Variants in LARGE1 observed in about 807,000 individuals in gnomAD.
LARGE1 encodes xylosyl- and glucuronyltransferase LARGE1.
Under a neutral mutation model 87.6 loss-of-function variants are expected in LARGE1, and 43 were observed. The ratio of observed to expected loss-of-function variants is 0.49; its 90% CI spans 0.38 to 0.63. The LOEUF is 0.63. Ranked by LOEUF, LARGE1 falls within the 30% of genes least tolerant of loss-of-function variation. LARGE1 has a pLI of 0.00. For synonymous variants in LARGE1, 434 were observed against 394.6 expected (o/e 1.10, Z -1.18); for missense variants, 802 against 1,000.2 (o/e 0.80, Z 2.67).
At chr22:33,810,319 G>A (rs1002205070) in intron 1 of LARGE1, among the ~76,000 whole-genome samples, 10 of 152,148 alleles carry the variant, frequency 6.6e-5, no homozygotes, top group East Asian at 1.9e-4. Flanking sequence ...GCCATAGCCC[G>A]ATACTCTTGG....
intron 11 of LARGE1, among the ~76,000 whole-genome samples, chr22:33,209,961 C>T (rs916478073): frequency 6.6e-6 from 1 of 152,174 alleles, no homozygotes; most frequent in Non-Finnish European, 1.5e-5. Flanking sequence ...GGTTCTTAAT[C>T]TTAATCTTGG....
chr22:33,415,652 G>C (rs2066461327), intron 7 of LARGE1, among the ~76,000 whole-genome samples: 1 of 152,170 alleles, frequency 6.6e-6, no homozygotes, highest in Admixed American at 6.5e-5. Flanking sequence ...TGCCTTGCTA[G>C]GGTACTGCAG....
intron 9 of LARGE1, among the ~76,000 whole-genome samples, chr22:33,358,048 G>A (rs371877592): frequency 1.3e-5 from 2 of 152,156 alleles, no homozygotes; most frequent in South Asian, 2.1e-4. Context: ...GAGAGATCCC[G>A]CATACAAGCC....
chr22:33,134,209 G>A, the LARGE1 span, among the ~76,000 whole-genome samples: 96 of 151,352 alleles, frequency 6.3e-4, no homozygotes, highest in Non-Finnish European at 9.6e-4. Flanking sequence ...TGCCAGTACA[G>A]GCTGTAAGTC....
At chr22:33,839,416 A>C (rs1401057103) in intron 1 of LARGE1, among the ~76,000 whole-genome samples, 1 of 152,206 alleles carries the variant, frequency 6.6e-6, no homozygotes, top group African/African-American at 2.4e-5. Flanking sequence ...TGTGGATTTC[A>C]CTGCAACATG....
intron 3 of LARGE1, among the ~76,000 whole-genome samples, chr22:33,626,983 C>A (rs2149079814): frequency 6.6e-6 from 1 of 152,310 alleles, no homozygotes; most frequent in East Asian, 1.9e-4. Flanking sequence ...AGCGTCATGA[C>A]ATGTGTCTTG....
chr22:33,916,678 T>G (rs1213698538), intron 1 of LARGE1, among the ~76,000 whole-genome samples: 1 of 152,168 alleles, frequency 6.6e-6, no homozygotes, highest in Admixed American at 6.5e-5. Flanking sequence ...CAATGCAGTA[T>G]GCTCCTCCTT....
At chr22:33,740,709 A>T (rs1335859199) in intron 2 of LARGE1, among the ~76,000 whole-genome samples, 1 of 152,234 alleles carries the variant, frequency 6.6e-6, no homozygotes, top group Non-Finnish European at 1.5e-5. Flanking sequence ...ACATCCAAAA[A>T]GAAAGGTGCA....
chr22:33,533,429 C>G, intron 6 of LARGE1, among the ~76,000 whole-genome samples: 1 of 152,234 alleles, frequency 6.6e-6, no homozygotes, highest in Non-Finnish European at 1.5e-5. Flanking sequence ...TCTCCCCATA[C>G]GGCCCCTTGG....
At chr22:33,472,859 G>A (rs1183453571) in intron 6 of LARGE1, among the ~76,000 whole-genome samples, 4 of 152,190 alleles carry the variant, frequency 2.6e-5, no homozygotes, top group African/African-American at 9.7e-5. Context: ...GATACCAGTA[G>A]CAGTGCTGCT....
rs116320180 is a variant in LARGE1, at chr22:33,811,313, A to G, written c.-82-49755T>C. The stretch of plus-strand genomic sequence containing the variant: ...GAGCAACAGTACAAGCACACACATT[A>G]ATAAAACATAATTTAGCAGAGCAAG... On this transcript the variant is annotated intron_variant, in intron 1 of 14. Coordinates refer to ENST00000397394, the MANE Select transcript of LARGE1 (RefSeq NM_133642.5). Among the ~76,000 whole-genome samples, 802 of 152,294 alleles carry G rather than the reference A, an allele frequency of 5.3e-3. 6 individuals carry two copies. The highest frequency in any genetic ancestry group is 0.018 in the African/African-American group (763 of 41,554).
intron 2 of LARGE1, among the ~76,000 whole-genome samples, chr22:33,654,892 C>A (rs939992000): frequency 6.6e-6 from 1 of 152,166 alleles, no homozygotes; most frequent in Non-Finnish European, 1.5e-5. Flanking sequence ...AAAATTTGCC[C>A]CTAACACTCA....
intron 6 of LARGE1, among the ~76,000 whole-genome samples, chr22:33,498,798 C>T (rs2070284501): frequency 6.6e-6 from 1 of 152,000 alleles, no homozygotes. Context: ...GGTGAAACCC[C>T]ATCTCTACTA....
chr22:33,504,632 A>G (rs1039565949), intron 6 of LARGE1, among the ~76,000 whole-genome samples: 1 of 152,162 alleles, frequency 6.6e-6, no homozygotes, highest in Non-Finnish European at 1.5e-5. Flanking sequence ...TCCCAGTTCT[A>G]CTCATTACTA....
At chr22:33,514,796 A>C (rs1205323287) in intron 6 of LARGE1, among the ~76,000 whole-genome samples, 1 of 152,184 alleles carries the variant, frequency 6.6e-6, no homozygotes, top group African/African-American at 2.4e-5. Flanking sequence ...AAAGTGAGTC[A>C]GAAACACGGA....
chr22:33,501,349 G>A (rs2070426634), intron 6 of LARGE1, among the ~76,000 whole-genome samples: 1 of 152,212 alleles, frequency 6.6e-6, no homozygotes, highest in Admixed American at 6.5e-5. Flanking sequence ...CTTGGGGAGA[G>A]GATGGGAGAT....
chr22:33,575,511 C>A (rs926569170), intron 5 of LARGE1, among the ~76,000 whole-genome samples: 2 of 152,086 alleles, frequency 1.3e-5, no homozygotes. Context: ...TTCTTAGTAA[C>A]CAGCATCAAC....
At chr22:33,224,904 A>G (rs111394308) in intron 11 of LARGE1, among the ~76,000 whole-genome samples, 4 of 152,366 alleles carry the variant, frequency 2.6e-5, no homozygotes, top group African/African-American at 7.2e-5. Context: ...ATTTGTTTGG[A>G]GGACAAGGGA....
intron 6 of LARGE1, among the ~76,000 whole-genome samples, chr22:33,447,870 G>A (rs1375265284): frequency 6.6e-6 from 1 of 152,118 alleles, no homozygotes; most frequent in African/African-American, 2.4e-5. Context: ...GTGTGGAAAG[G>A]AATGGAGTAA....
Sources: gnomAD v4.1 joint callset for allele counts (sites outside exome capture counted in the v4.1 genomes callset) on GRCh38, gnomAD v4.1.1 for gene constraint, MANE v1.5 for transcripts, NCBI Gene and HGNC (gene_info 2026-07-23, HGNC 2026-07-21) for gene names.